Variants in SPMIP11 observed in about 807,000 individuals in gnomAD.
SPMIP11 encodes long intergenic non-protein coding RNA 935.
At chr12:48,737,415 AT>A in the SPMIP11 span, among the ~76,000 whole-genome samples, 1,610 of 139,156 alleles carry the variant, frequency 0.012, 20 homozygotes, top group African/African-American at 0.034. Flanking sequence ...TTAATTTTTA[AT>A]TTTTTTTTTT....
chr12:48,744,157 A>G, the SPMIP11 span, among the ~76,000 whole-genome samples: 1 of 150,606 alleles, frequency 6.6e-6, no homozygotes, highest in Admixed American at 6.7e-5. Flanking sequence ...CCGAGGCAGG[A>G]GAATCGCTTG....
chr12:48,768,127 G>A, the SPMIP11 span: 2 of 208,874 alleles, frequency 9.6e-6, no homozygotes, highest in African/African-American at 4.7e-5. Context: ...GCAAAGGCAA[G>A]CATGGAATAG....
the SPMIP11 span, chr12:48,736,243 C>T: frequency 1.3e-5 from 4 of 318,348 alleles, no homozygotes; most frequent in African/African-American, 4.6e-5. Flanking sequence ...GTCTCTACCC[C>T]GCAAAAAAAC....
At chr12:48,768,946 G>A in the SPMIP11 span, 9 of 1,611,570 alleles carry the variant, frequency 5.6e-6, no homozygotes, top group Non-Finnish European at 6.8e-6. Context: ...CCTGGATTCG[G>A]TCGGGGACCC....
chr12:48,742,288 T>C, the SPMIP11 span, among the ~76,000 whole-genome samples: 1 of 143,408 alleles, frequency 7.0e-6, no homozygotes. Context: ...CTTTTTTTTT[T>C]TTTTTTTTTT....
chr12:48,736,560 T>G, the SPMIP11 span, among the ~76,000 whole-genome samples: 1 of 152,158 alleles, frequency 6.6e-6, no homozygotes, highest in South Asian at 2.1e-4. Context: ...CACAGCAATC[T>G]GTCAGTTCCA....
At chr12:48,736,164 A>ATTGGG in the SPMIP11 span, 1 of 427,412 alleles carries the variant, frequency 2.3e-6, no homozygotes, top group Non-Finnish European at 4.7e-6. Flanking sequence ...AGGACTTTGG[A>ATTGGG]AGCCCGAGGT....
chr12:48,756,742 A>G, the SPMIP11 span, among the ~76,000 whole-genome samples: 2 of 151,546 alleles, frequency 1.3e-5, no homozygotes, highest in Non-Finnish European at 2.9e-5. Context: ...GGCACTGAAA[A>G]CGTCAGATGC....
chr12:48,761,687 C>T, the SPMIP11 span, among the ~76,000 whole-genome samples: 1 of 147,630 alleles, frequency 6.8e-6, no homozygotes, highest in Admixed American at 6.8e-5. Context: ...AAATAAACAT[C>T]ACATAGCGTA....
the SPMIP11 span, chr12:48,770,641 G>T: frequency 1.1e-6 from 1 of 918,934 alleles, no homozygotes; most frequent in Non-Finnish European, 1.7e-6. Context: ...GATATAGGAG[G>T]TCAGAGGGAA....
At chr12:48,732,499 G>A in the SPMIP11 span, among the ~76,000 whole-genome samples, 49 of 152,080 alleles carry the variant, frequency 3.2e-4, no homozygotes, top group African/African-American at 1.1e-3. Flanking sequence ...GCCTGGCACG[G>A]TGGCTCATAC....
chr12:48,761,294 A>G, the SPMIP11 span, among the ~76,000 whole-genome samples: 21 of 152,068 alleles, frequency 1.4e-4, no homozygotes, highest in African/African-American at 3.9e-4. Flanking sequence ...TAAAAATACA[A>G]AAAAATGTTA....
chr12:48,734,948 T>C, the SPMIP11 span, among the ~76,000 whole-genome samples: 1 of 136,342 alleles, frequency 7.3e-6, no homozygotes, highest in Non-Finnish European at 1.5e-5. Flanking sequence ...GAGCTTGCAG[T>C]GAGCCGAGTA....
the SPMIP11 span, among the ~76,000 whole-genome samples, chr12:48,732,359 C>G: frequency 6.6e-6 from 1 of 152,082 alleles, no homozygotes; most frequent in Non-Finnish European, 1.5e-5. Context: ...CAATTTGTTG[C>G]TGGGGTCTGG....
At chr12:48,734,027 C>T in the SPMIP11 span, among the ~76,000 whole-genome samples, 1 of 151,992 alleles carries the variant, frequency 6.6e-6, no homozygotes, top group Admixed American at 6.6e-5. Context: ...CTGCCTCGGC[C>T]TCCCAAAGTG....
chr12:48,741,019 A>T, the SPMIP11 span, among the ~76,000 whole-genome samples: 1 of 149,462 alleles, frequency 6.7e-6, no homozygotes, highest in Non-Finnish European at 1.5e-5. Context: ...GTGTCTCTTT[A>T]GTCTCCTTTA....
the SPMIP11 span, among the ~76,000 whole-genome samples, chr12:48,759,816 A>T: frequency 1.3e-4 from 19 of 151,526 alleles, 1 homozygote; most frequent in East Asian, 3.9e-4. Context: ...GAAAAAAAAA[A>T]TTTTTTTTTG....
the SPMIP11 span, among the ~76,000 whole-genome samples, chr12:48,736,897 C>T: frequency 6.6e-6 from 1 of 151,854 alleles, no homozygotes; most frequent in Non-Finnish European, 1.5e-5. Context: ...TTTTTATTGT[C>T]CTCTAGCTTC....
the SPMIP11 span, among the ~76,000 whole-genome samples, chr12:48,755,875 CTTTTTT>C: frequency 9.8e-6 from 1 of 101,626 alleles, no homozygotes. Flanking sequence ...CAGTTTCTTT[CTTTTTT>C]TTTTTTTTTT....
Sources: gnomAD v4.1 joint callset for allele counts (sites outside exome capture counted in the v4.1 genomes callset) on GRCh38, gnomAD v4.1.1 for gene constraint, MANE v1.5 for transcripts, NCBI Gene and HGNC (gene_info 2026-07-23, HGNC 2026-07-21) for gene names.